Variants in KEAP1 observed in about 807,000 individuals in gnomAD.
The protein encoded by KEAP1 is kelch-like ECH-associated protein 1.
Under a neutral mutation model 59.7 loss-of-function variants are expected in KEAP1, and 26 were observed. That is an observed-to-expected ratio of 0.44 (90% CI 0.32 to 0.60). The LOEUF is 0.60. Ranked by LOEUF, KEAP1 falls within the 20% of genes least tolerant of loss-of-function variation. The probability of loss-of-function intolerance (pLI) is 0.06; values close to 1 mark genes in which losing one functional copy is unlikely to be tolerated. For synonymous variants in KEAP1, 350 were observed against 358.3 expected, an observed-to-expected ratio of 0.98 and a Z score of 0.26; for missense variants, 539 against 871.4, an observed-to-expected ratio of 0.62 and a Z score of 4.80.
At chr19:10,496,497 A>G (rs111827213) in intron 2 of KEAP1, among the ~76,000 whole-genome samples, 180 of 136,080 alleles carry the variant, frequency 1.3e-3, no homozygotes, top group Admixed American at 2.5e-3. Context: ...TCTGTCCCCC[A>G]CCCCCAAAAA....
chr19:10,498,799 CAT>C (rs1042140765), intron 2 of KEAP1, among the ~76,000 whole-genome samples: 1 of 151,966 alleles, frequency 6.6e-6, no homozygotes, highest in African/African-American at 2.4e-5. Flanking sequence ...AGTCTCCCCA[CAT>C]GTGTAGACAA....
At chr19:10,487,921 G>A (rs979750569) in intron 5 of KEAP1, among the ~76,000 whole-genome samples, 1 of 152,064 alleles carries the variant, frequency 6.6e-6, no homozygotes, top group East Asian at 1.9e-4. Flanking sequence ...CTGAGGTCAG[G>A]AGTTCGAGAC....
intron 4 of KEAP1, 136 bp from the exon 5 acceptor site, chr19:10,489,504 T>C (rs1914594990): frequency 8.8e-6 from 11 of 1,248,420 alleles, no homozygotes; most frequent in Non-Finnish European, 1.2e-5. Flanking sequence ...AGAGAGAAGC[T>C]TGGACTCTAT....
At chr19:10,494,823 T>A (rs560038910) in intron 2 of KEAP1, among the ~76,000 whole-genome samples, 7 of 150,866 alleles carry the variant, frequency 4.6e-5, no homozygotes, top group African/African-American at 1.7e-4. Context: ...TCCAGCTAAT[T>A]TTTTGTATTT....
chr19:10,498,608 A>C (rs1285240732), intron 2 of KEAP1, among the ~76,000 whole-genome samples: 1 of 152,180 alleles, frequency 6.6e-6, no homozygotes, highest in Non-Finnish European at 1.5e-5. Flanking sequence ...AAACATGACT[A>C]AGGTTCAGAC....
At position 10,489,286 on chromosome 19, in the gene KEAP1, A is replaced by G. The variant is rs2144586905; in HGVS notation, c.1614T>C (p.Asp538=). ...QDQLNSVERY[D]VETETWTFVA... ...CGAAAGTCCACGTCTCTGTTTCCAC[A>G]TCGTAGCGCTCCACGCTGTTCAGCT... is the stretch of plus-strand genomic sequence containing the variant. The change falls in exon 5 of 6, where the codon GAT becomes GAC. Residue 538 remains aspartate, a synonymous_variant. Coordinates refer to ENST00000171111, the MANE Select transcript of KEAP1 (RefSeq NM_203500.2). 1.2e-6 allele frequency: 2 copies of G among 1,613,888 alleles called. No individual in the cohort carries two copies. The highest frequency in any genetic ancestry group is 1.7e-6 in the Non-Finnish European group (2 of 1,179,980).
chr19:10,500,589 T>C (rs573720519), intron 1 of KEAP1, among the ~76,000 whole-genome samples: 1 of 151,362 alleles, frequency 6.6e-6, no homozygotes, highest in Non-Finnish European at 1.5e-5. Context: ...GGAGCAATCA[T>C]AAACTAAAAT....
At chr19:10,496,119 C>G (rs1914837468) in intron 2 of KEAP1, among the ~76,000 whole-genome samples, 1 of 148,248 alleles carries the variant, frequency 6.7e-6, no homozygotes, top group Non-Finnish European at 1.5e-5. Context: ...AGCCCAGGAG[C>G]TGGAGTTTGT....
In KEAP1 at chr19:10,486,471, G is replaced by C. The variant is rs1914464964; in HGVS notation, c.*181C>G. 4 of 680,516 alleles carry C rather than the reference G, an allele frequency of 5.9e-6. No homozygotes were observed. The highest frequency in any genetic ancestry group is 2.4e-5 in the Admixed American group (1 of 40,850). The allele number at this position is 680,516 out of a possible 1,614,324, so 42.2% of individuals were successfully genotyped here. A position where few individuals can be genotyped will look rare whatever the true frequency, so the allele number is the denominator to read the frequency against. ...TGGACACTCCCGGGGCTCCGCTGAG[G>C]GGCACATGATTCCCGCTTTGGACTT... On this transcript the variant is annotated 3_prime_UTR_variant, in exon 6 of 6. Coordinates refer to ENST00000171111, the MANE Select transcript of KEAP1 (RefSeq NM_203500.2).
In KEAP1 at chr19:10,486,145, GTTCT is replaced by G. The variant is rs952058350; in HGVS notation, c.*503_*506del. ...CAGGGTGAAAGACACTAGTTAGTCT[GTTCT>G]TTATTTTCCTTGGAAAATTACAGGG... On this transcript the variant is annotated 3_prime_UTR_variant, in exon 6 of 6. Coordinates refer to ENST00000171111, the MANE Select transcript of KEAP1 (RefSeq NM_203500.2). 6.3e-5 allele frequency: 14 copies of G among 223,368 alleles called. No homozygotes were observed. Among genetic ancestry groups the G allele is most frequent in the Non-Finnish European group, 1.2e-4 (14 of 112,020 alleles). The allele number at this position is 223,368 out of a possible 1,614,324, so 13.8% of individuals were successfully genotyped here.
Position 10,489,939 on chromosome 19 carries a change from CT to C in KEAP1, c.1326-87del, listed in dbSNP as rs879324601. The C allele has an allele frequency of 9.2e-3, 10,688 of 1,162,512 alleles. 32 individuals are homozygous for C. Among genetic ancestry groups the C allele is most frequent in the Non-Finnish European group, 0.011 (9,109 of 847,554 alleles). The allele number at this position is 1,162,512 out of a possible 1,614,324, so 72.0% of individuals were successfully genotyped here. A position where few individuals can be genotyped will look rare whatever the true frequency, so the allele number is the denominator to read the frequency against. ...TAAGGGCCAGATACTCTTTTTTTTC[CT>C]TTTTTTTTTCCCCCTTAAAGAGACA... On this transcript the variant is annotated intron_variant, in intron 3 of 5. Transcript: ENST00000171111.
At chr19:10,498,875 G>A (rs1914943390) in intron 2 of KEAP1, among the ~76,000 whole-genome samples, 1 of 149,612 alleles carries the variant, frequency 6.7e-6, no homozygotes, top group African/African-American at 2.5e-5. Context: ...TTGCTCTGTT[G>A]CGCAAGCTGG....
intron 1 of KEAP1, among the ~76,000 whole-genome samples, chr19:10,501,363 C>T (rs1449378777): frequency 6.7e-6 from 1 of 149,330 alleles, no homozygotes; most frequent in Non-Finnish European, 1.5e-5. Flanking sequence ...GGCGTGGTGG[C>T]TCACGCCTGT....
At chr19:10,495,877 CAG>C (rs1387374459) in intron 2 of KEAP1, among the ~76,000 whole-genome samples, 1 of 152,080 alleles carries the variant, frequency 6.6e-6, no homozygotes, top group Non-Finnish European at 1.5e-5. Context: ...CTAGGGTATA[CAG>C]AGCCCTGGAT....
chr19:10,497,811 T>C (rs1218381862), intron 2 of KEAP1, among the ~76,000 whole-genome samples: 1 of 152,188 alleles, frequency 6.6e-6, no homozygotes, highest in African/African-American at 2.4e-5. Flanking sequence ...GGAGGCCTCC[T>C]TGAGCCCAAG....
intron 2 of KEAP1, among the ~76,000 whole-genome samples, chr19:10,494,474 G>A (rs1206425510): frequency 6.7e-6 from 1 of 150,338 alleles, no homozygotes; most frequent in Non-Finnish European, 1.5e-5. Context: ...GGGACTACAG[G>A]CGCCCACCAC....
intron 2 of KEAP1, 79 bp from the exon 3 acceptor site, chr19:10,492,341 T>G (rs1914704232): frequency 9.6e-7 from 1 of 1,040,986 alleles, no homozygotes; most frequent in Admixed American, 2.1e-5. Flanking sequence ...ACAAGTAACT[T>G]ATCACTGCCG....
rs1363616121 is a variant in KEAP1 at position 10,499,760 on chromosome 19, G to C, written c.274C>G (p.Gln92Glu). The C allele has an allele frequency of 6.2e-7, 1 of 1,614,120 alleles. No homozygotes were observed. ...AGCACCACCTTGTGGGCCATGAACTGGGCGGCCGGTGCATCCTGGTACTTG... is the reference window on the plus strand; with the variant it reads ...AGCACCACCTTGTGGGCCATGAACTCGGCGGCCGGTGCATCCTGGTACTTG... ...QVKYQDAPAA[Q>E]FMAHKVVLAS... The change falls in exon 2 of 6, where the codon CAG becomes GAG. Residue 92 changes from glutamine to glutamate, a missense_variant. Physicochemically the swap from Gln to Glu is conservative, Grantham distance 29 (BLOSUM62 2). Around this residue, in one of 4 missense-constraint regions of KEAP1, gnomAD observed 166 missense variants for 295.8 expected, o/e 0.56. Coordinates refer to ENST00000171111, the MANE Select transcript of KEAP1 (RefSeq NM_203500.2). This position sits in a 1 kb window ranked among gnomAD's most constrained non-coding sequence, Gnocchi z 6.7.
intron 5 of KEAP1, among the ~76,000 whole-genome samples, chr19:10,488,610 C>A (rs1568396481): frequency 7.3e-6 from 1 of 136,822 alleles, no homozygotes. Context: ...GACTCTGTCT[C>A]AAAAAACAAA....
Sources: allele counts gnomAD v4.1 joint callset (sites outside exome capture counted in the v4.1 genomes callset), GRCh38; gene constraint gnomAD v4.1.1; regional missense constraint gnomAD v4.1.1; non-coding constraint Gnocchi (gnomAD v3.1); transcripts MANE v1.5; gene names NCBI Gene and HGNC (gene_info 2026-07-23, HGNC 2026-07-21).